Variants in DGKB observed in about 807,000 individuals in gnomAD.
DGKB encodes diacylglycerol kinase beta, also known as 90 kDa diacylglycerol kinase.
In DGKB, 67 loss-of-function variants were observed where a neutral mutation model predicts 114.3. The ratio of observed to expected loss-of-function variants is 0.59; its 90% CI spans 0.48 to 0.72. DGKB has a LOEUF of 0.72. DGKB is among the 30% of genes least tolerant of loss of function. The pLI, the probability that DGKB is intolerant of heterozygous loss-of-function variation, is 0.00. For missense variants in DGKB, 907 were observed against 975.2 expected (o/e 0.93, Z 0.93); for synonymous variants, 398 against 323.1 (o/e 1.23, Z -2.49).
chr7:14,697,481 C>T (rs1824161403), intron 8 of DGKB, among the ~76,000 whole-genome samples: 1 of 152,018 alleles, frequency 6.6e-6, no homozygotes, highest in African/African-American at 2.4e-5. Flanking sequence ...GTAAGACCAC[C>T]ATTCAAAATA....
At chr7:14,718,025 A>G (rs899545703) in intron 6 of DGKB, among the ~76,000 whole-genome samples, 4 of 152,340 alleles carry the variant, frequency 2.6e-5, no homozygotes, top group East Asian at 3.9e-4. Flanking sequence ...TTAATGATTT[A>G]TAATATCCAG....
rs559234208 is a variant in DGKB at position 14,239,326 on chromosome 7, C to T, written c.2123-61175G>A. Among the ~76,000 whole-genome samples the T allele has an allele frequency of 3.9e-5, 6 of 151,990 alleles. No individual in the cohort carries two copies. The East Asian group carries it at 1.2e-3, about 30-fold the overall frequency. On this transcript the variant is annotated intron_variant, in intron 23 of 25. Coordinates refer to ENST00000402815, the MANE Select transcript of DGKB (RefSeq NM_001350709.2). ...GTTTTTTTAAATGTTAAAATGTATT[C>T]AGCAAAGTTTAAAGCTCATAGGTAT...
At chr7:14,927,826 T>C (rs1784823110) in intron 1 of DGKB, among the ~76,000 whole-genome samples, 1 of 151,916 alleles carries the variant, frequency 6.6e-6, no homozygotes, top group Admixed American at 6.6e-5. Flanking sequence ...ACATTTTGCA[T>C]CTTCTTTTTT....
chr7:14,219,743 T>C (rs1228893542), intron 23 of DGKB, among the ~76,000 whole-genome samples: 1 of 151,674 alleles, frequency 6.6e-6, no homozygotes, highest in Non-Finnish European at 1.5e-5. Flanking sequence ...ACTTTCTTGA[T>C]AGAGTCCTTT....
chr7:14,826,069 C>T (rs1845670241), intron 2 of DGKB, among the ~76,000 whole-genome samples: 1 of 152,108 alleles, frequency 6.6e-6, no homozygotes, highest in African/African-American at 2.4e-5. Context: ...GCCTACATCG[C>T]TCTGGGGCTT....
chr7:14,300,513 G>A (rs541249091), intron 23 of DGKB, among the ~76,000 whole-genome samples: 5 of 152,124 alleles, frequency 3.3e-5, no homozygotes, highest in African/African-American at 1.2e-4. Context: ...GAAAATGACT[G>A]CTTATTTTTA....
intron 23 of DGKB, among the ~76,000 whole-genome samples, chr7:14,234,510 A>T (rs949440318): frequency 6.6e-6 from 1 of 152,230 alleles, no homozygotes; most frequent in East Asian, 1.9e-4. Flanking sequence ...CCAGTGGTTT[A>T]AACACTCCAA....
rs562299473 is a variant in DGKB at position 14,672,799 on chromosome 7, C to T, written c.1134+130G>A. The T allele has an allele frequency of 6.0e-5, 29 of 480,900 alleles. 1 individual carries two copies. Among genetic ancestry groups the T allele is most frequent in the South Asian group, 1.1e-4 (2 of 18,812 alleles). 29.8% of individuals were successfully genotyped at this position (480,900 alleles called of 1,614,324 possible). A position where few individuals can be genotyped will look rare whatever the true frequency, so the allele number is the denominator to read the frequency against. On this transcript the variant is annotated intron_variant, in intron 13 of 25. Transcript: ENST00000402815. ...ACAAAGGTGTTCTGTTTCAGAGTAA[C>T]GACGTATTTTAGATCTATATACTTC...
At chr7:14,499,415 GGTGA>G (rs71744967) in intron 20 of DGKB, among the ~76,000 whole-genome samples, 30,104 of 151,276 alleles carry the variant, frequency 0.2, 4,315 homozygotes, top group East Asian at 0.53. Flanking sequence ...AAGAAATATG[GGTGA>G]GTATTTGCTA....
chr7:14,223,732 T>G (rs868588447), intron 23 of DGKB, among the ~76,000 whole-genome samples: 1 of 151,764 alleles, frequency 6.6e-6, no homozygotes, highest in African/African-American at 2.4e-5. Context: ...GGGATTATGT[T>G]TATTTTGCTT....
chr7:14,950,649 A>G (rs1032691917), intron 1 of DGKB, among the ~76,000 whole-genome samples: 3 of 151,976 alleles, frequency 2.0e-5, no homozygotes, highest in Non-Finnish European at 2.9e-5. Context: ...CCAGGCATGC[A>G]TTTCTTCACT....
chr7:14,260,751 A>G (rs993149713), intron 23 of DGKB, among the ~76,000 whole-genome samples: 1 of 152,180 alleles, frequency 6.6e-6, no homozygotes, highest in Non-Finnish European at 1.5e-5. Flanking sequence ...ATACCGTGGG[A>G]TAATAGTAAC....
intron 2 of DGKB, among the ~76,000 whole-genome samples, chr7:14,767,346 A>G (rs1451091652): frequency 1.3e-5 from 2 of 151,884 alleles, no homozygotes; most frequent in Non-Finnish European, 2.9e-5. Context: ...CAGATTGACA[A>G]GTGCTGCTTA....
chr7:14,524,756 CAAA>C (rs11347141), intron 20 of DGKB, among the ~76,000 whole-genome samples: 17 of 111,904 alleles, frequency 1.5e-4, no homozygotes, highest in Admixed American at 1.8e-4. Flanking sequence ...GACTCTGTCT[CAAA>C]AAAAAAAAAA....
chr7:14,654,591 A>T (rs1815380955), intron 13 of DGKB, among the ~76,000 whole-genome samples: 1 of 152,052 alleles, frequency 6.6e-6, no homozygotes. Flanking sequence ...AGTAATACTG[A>T]GCAAAGGGAG....
intron 20 of DGKB, among the ~76,000 whole-genome samples, chr7:14,517,726 C>A (rs1336158544): frequency 6.6e-6 from 1 of 151,984 alleles, no homozygotes; most frequent in African/African-American, 2.4e-5. Flanking sequence ...AATCAATAAT[C>A]ATTAAAGAAA....
intron 21 of DGKB, among the ~76,000 whole-genome samples, chr7:14,355,831 G>C (rs1374859690): frequency 6.6e-6 from 1 of 152,110 alleles, no homozygotes; most frequent in African/African-American, 2.4e-5. Flanking sequence ...TCTGTTGATT[G>C]GAATAGTTTC....
At chr7:14,303,846 T>C (rs1463278083) in intron 23 of DGKB, among the ~76,000 whole-genome samples, 1 of 152,096 alleles carries the variant, frequency 6.6e-6, no homozygotes, top group Non-Finnish European at 1.5e-5. Flanking sequence ...TTTCATGCAC[T>C]TTGCTTGCAT....
chr7:14,645,506 C>A (rs1242695930), intron 13 of DGKB, among the ~76,000 whole-genome samples: 2 of 152,006 alleles, frequency 1.3e-5, no homozygotes, highest in African/African-American at 4.8e-5. Context: ...CTTTCTCTCA[C>A]TCACTGAACT....
Sources: allele counts gnomAD v4.1 joint callset (sites outside exome capture counted in the v4.1 genomes callset), GRCh38; gene constraint gnomAD v4.1.1; transcripts MANE v1.5; gene names NCBI Gene and HGNC (gene_info 2026-07-23, HGNC 2026-07-21).